The following NUMB variants were observed in gnomAD, a reference collection of about 807,000 sequenced individuals.
NUMB encodes NUMB endocytic adaptor protein.
Under a neutral mutation model 59.7 loss-of-function variants are expected in NUMB, and 29 were observed. The ratio of observed to expected loss-of-function variants is 0.49; its 90% CI spans 0.36 to 0.66. The LOEUF (loss-of-function observed/expected upper bound fraction) is 0.66, where lower values mean the gene tolerates loss of function less well. Among genes scored for constraint, NUMB ranks in the 30% least tolerant of loss-of-function variants. NUMB has a pLI of 0.00. For missense variants in NUMB, 723 were observed against 822.0 expected, an observed-to-expected ratio of 0.88 and a Z score of 1.47; for synonymous variants, 288 against 288.2, an observed-to-expected ratio of 1.00 and a Z score of 0.01.
chr14:73,348,038 A>G (rs1893005793), intron 4 of NUMB, among the ~76,000 whole-genome samples: 1 of 152,140 alleles, frequency 6.6e-6, no homozygotes, highest in Admixed American at 6.5e-5. Flanking sequence ...CTCTACTCCC[A>G]AATTTGTTAT....
intron 1 of NUMB, among the ~76,000 whole-genome samples, chr14:73,410,416 G>C (rs1228045257): frequency 6.6e-6 from 1 of 152,074 alleles, no homozygotes; most frequent in Non-Finnish European, 1.5e-5. Context: ...AGAAGACCTG[G>C]GTTCCAAACT....
At chr14:73,324,581 A>C (rs1326647127) in intron 4 of NUMB, among the ~76,000 whole-genome samples, 1 of 151,998 alleles carries the variant, frequency 6.6e-6, no homozygotes, top group Non-Finnish European at 1.5e-5. Context: ...CTAAAATGGC[A>C]CTTAACCCTA....
chr14:73,453,147 T>C (rs992352574), intron 1 of NUMB, among the ~76,000 whole-genome samples: 1 of 151,730 alleles, frequency 6.6e-6, no homozygotes, highest in African/African-American at 2.4e-5. Flanking sequence ...TTTTGTTTTG[T>C]TTGAGACGGA....
chr14:73,425,043 C>T (rs1199239414), intron 1 of NUMB, among the ~76,000 whole-genome samples: 1 of 152,156 alleles, frequency 6.6e-6, no homozygotes, highest in Non-Finnish European at 1.5e-5. Flanking sequence ...TCTAAGCCAA[C>T]ATCTCTACCC....
intron 2 of NUMB, among the ~76,000 whole-genome samples, chr14:73,399,766 A>G (rs1226376015): frequency 6.6e-6 from 1 of 152,150 alleles, no homozygotes; most frequent in East Asian, 1.9e-4. Context: ...TAAACAGGCC[A>G]GGCATGGTGG....
At chr14:73,440,221 ATATATATGGATAT>A (rs1280928248) in intron 1 of NUMB, among the ~76,000 whole-genome samples, 3 of 150,294 alleles carry the variant, frequency 2.0e-5, no homozygotes, top group African/African-American at 4.9e-5. Flanking sequence ...ATATCCATAT[ATATATATGGATAT>A]CCATATATAT....
At chr14:73,402,177 A>T (rs1430833545) in intron 2 of NUMB, among the ~76,000 whole-genome samples, 1 of 152,150 alleles carries the variant, frequency 6.6e-6, no homozygotes, top group Non-Finnish European at 1.5e-5. Context: ...AAAACTTTTT[A>T]TCATGGTGGG....
At chr14:73,427,728 T>C (rs1307640015) in intron 1 of NUMB, among the ~76,000 whole-genome samples, 1 of 152,266 alleles carries the variant, frequency 6.6e-6, no homozygotes, top group African/African-American at 2.4e-5. Context: ...TTCCTGAATA[T>C]GTATCTATTA....
chr14:73,440,208 T>C (rs762296798), intron 1 of NUMB, among the ~76,000 whole-genome samples: 1 of 34,344 alleles, frequency 2.9e-5, no homozygotes, highest in Non-Finnish European at 5.9e-5. Context: ...TATATATATA[T>C]GGATATCCAT....
At chr14:73,444,181 C>T (rs934024785) in intron 1 of NUMB, among the ~76,000 whole-genome samples, 7 of 152,136 alleles carry the variant, frequency 4.6e-5, no homozygotes, top group African/African-American at 7.2e-5. Context: ...TGGTGGATCA[C>T]GACATCAGGA....
chr14:73,317,918 C>A (rs1345458427), intron 5 of NUMB, among the ~76,000 whole-genome samples: 1 of 152,194 alleles, frequency 6.6e-6, no homozygotes, highest in Admixed American at 6.5e-5. Flanking sequence ...AAATCTGACT[C>A]TTTTACACAA....
chr14:73,451,604 AAAAT>A (rs1883980281), intron 1 of NUMB, among the ~76,000 whole-genome samples: 2 of 152,190 alleles, frequency 1.3e-5, no homozygotes, highest in South Asian at 4.1e-4. Context: ...ATCTTTAAAT[AAAAT>A]AAATTAAGTA....
intron 6 of NUMB, among the ~76,000 whole-genome samples, chr14:73,312,251 G>A (rs1319100289): frequency 3.3e-5 from 5 of 151,764 alleles, no homozygotes; most frequent in Admixed American, 6.6e-5. Flanking sequence ...AAAATTATCC[G>A]GGTATGGTGG....
intron 1 of NUMB, among the ~76,000 whole-genome samples, chr14:73,450,612 T>C (rs573072978): frequency 1.3e-5 from 2 of 150,852 alleles, no homozygotes; most frequent in African/African-American, 4.9e-5. Flanking sequence ...CTGGCCAATA[T>C]GGCGGAACCC....
At chr14:73,392,907 C>T (rs1395807177) in intron 2 of NUMB, among the ~76,000 whole-genome samples, 1 of 150,436 alleles carries the variant, frequency 6.6e-6, no homozygotes, top group Non-Finnish European at 1.5e-5. Flanking sequence ...TTTTTCTGGG[C>T]GGGGGGAGTT....
At chr14:73,386,073 A>C (rs1363904205) in intron 2 of NUMB, among the ~76,000 whole-genome samples, 2 of 152,028 alleles carry the variant, frequency 1.3e-5, no homozygotes, top group Non-Finnish European at 2.9e-5. Context: ...AATAGTTCAA[A>C]GTGATTTAAG....
intron 2 of NUMB, among the ~76,000 whole-genome samples, chr14:73,392,302 ACT>A (rs1895892800): frequency 6.6e-6 from 1 of 152,328 alleles, no homozygotes; most frequent in African/African-American, 2.4e-5. Context: ...TGAGCCAATA[ACT>A]CTTTTTCCCC....
intron 1 of NUMB, among the ~76,000 whole-genome samples, chr14:73,428,524 C>T (rs575039983): frequency 3.3e-5 from 5 of 152,292 alleles, no homozygotes; most frequent in East Asian, 3.9e-4. Context: ...CTAGGCACAG[C>T]GCCTCGTGTC....
intron 1 of NUMB, among the ~76,000 whole-genome samples, chr14:73,412,565 T>C (rs1475466386): frequency 1.3e-5 from 2 of 148,858 alleles, no homozygotes; most frequent in Non-Finnish European, 1.5e-5. Flanking sequence ...AGGTGGAGGT[T>C]GCAGTAAGCC....
Sources: allele counts gnomAD v4.1 joint callset (sites outside exome capture counted in the v4.1 genomes callset), GRCh38; gene constraint gnomAD v4.1.1; transcripts MANE v1.5; gene names NCBI Gene and HGNC (gene_info 2026-07-23, HGNC 2026-07-21).